The following RBFOX2 variants were observed in gnomAD, a reference collection of about 807,000 sequenced individuals.
The protein encoded by RBFOX2 is RNA binding fox-1 homolog 2.
Under a neutral mutation model 49.1 loss-of-function variants are expected in RBFOX2, and 10 were observed. The ratio of observed to expected loss-of-function variants is 0.20; its 90% CI spans 0.13 to 0.35. The LOEUF is 0.35. Among genes scored for constraint, RBFOX2 ranks in the 10% least tolerant of loss-of-function variants. The pLI, the probability that RBFOX2 is intolerant of heterozygous loss-of-function variation, is 1.00. For missense variants in RBFOX2, 323 were observed against 486.9 expected, an observed-to-expected ratio of 0.66 and a Z score of 3.17; for synonymous variants, 183 against 187.4, an observed-to-expected ratio of 0.98 and a Z score of 0.19.
chr22:35,804,745 A>C (rs1464900374), intron 2 of RBFOX2, among the ~76,000 whole-genome samples: 1 of 152,190 alleles, frequency 6.6e-6, no homozygotes, highest in African/African-American at 2.4e-5. Flanking sequence ...AGGCCTAAAA[A>C]AAAATACTAA....
At chr22:36,027,610 G>A (rs2059494291) in intron 1 of RBFOX2, among the ~76,000 whole-genome samples, 1 of 152,152 alleles carries the variant, frequency 6.6e-6, no homozygotes, top group Non-Finnish European at 1.5e-5. Flanking sequence ...CATGTCTAGT[G>A]TCTCCCTTCA....
intron 4 of RBFOX2, among the ~76,000 whole-genome samples, chr22:35,773,703 T>A (rs771167737): frequency 6.6e-6 from 1 of 152,082 alleles, no homozygotes; most frequent in Non-Finnish European, 1.5e-5. Context: ...TTAATACATA[T>A]CCATTCAATA....
intron 11 of RBFOX2, among the ~76,000 whole-genome samples, chr22:35,745,074 A>G (rs369651100): frequency 3.3e-5 from 5 of 152,164 alleles, no homozygotes; most frequent in East Asian, 3.8e-4. Context: ...CCTTCCACAA[A>G]TCTTCATCAG....
At chr22:35,845,210 A>G (rs2041026776), upstream of RBFOX2, among the ~76,000 whole-genome samples, 1 of 152,156 alleles carries the variant, frequency 6.6e-6, no homozygotes, top group Non-Finnish European at 1.5e-5. Context: ...TGTAAATAAC[A>G]ATTTACACCT....
intron 1 of RBFOX2, among the ~76,000 whole-genome samples, chr22:35,827,998 T>C (rs918624667): frequency 8.6e-5 from 13 of 151,816 alleles, no homozygotes; most frequent in Non-Finnish European, 1.6e-4. Context: ...CCATCTCTAC[T>C]AAAAATACAA....
At chr22:35,844,560 T>C (rs2040924716), upstream of RBFOX2, among the ~76,000 whole-genome samples, 1 of 152,000 alleles carries the variant, frequency 6.6e-6, no homozygotes, top group South Asian at 2.1e-4. Flanking sequence ...AGTGGCACGA[T>C]CTCAGCTCAC....
intron 1 of RBFOX2, among the ~76,000 whole-genome samples, chr22:35,889,160 G>GGAAAA (rs1335266683): frequency 2.0e-5 from 3 of 151,864 alleles, no homozygotes; most frequent in African/African-American, 4.8e-5. Context: ...ATCTCAAAAA[G>GGAAAA]GAAAAGAAAA....
At chr22:35,753,681 C>T (rs149455955) in intron 9 of RBFOX2, among the ~76,000 whole-genome samples, 133 of 147,136 alleles carry the variant, frequency 9.0e-4, no homozygotes, top group African/African-American at 3.1e-3. Flanking sequence ...AATCATCTGT[C>T]TCAATAAAAT....
chr22:35,905,488 T>C (rs1013330767), intron 1 of RBFOX2, among the ~76,000 whole-genome samples: 6 of 152,172 alleles, frequency 3.9e-5, no homozygotes, highest in African/African-American at 1.4e-4. Context: ...ACAACACAAT[T>C]TAGAAGGATT....
intron 1 of RBFOX2, among the ~76,000 whole-genome samples, chr22:35,906,798 G>A (rs1364172488): frequency 6.6e-6 from 1 of 152,066 alleles, no homozygotes; most frequent in East Asian, 1.9e-4. Context: ...CTGGCCAACA[G>A]AGCAAGACTC....
chr22:36,017,134 A>G (rs1471145206), intron 1 of RBFOX2, among the ~76,000 whole-genome samples: 3 of 152,222 alleles, frequency 2.0e-5, no homozygotes, highest in African/African-American at 7.2e-5. Flanking sequence ...TTAAAGGAAC[A>G]CTATCAGACT....
intron 1 of RBFOX2, among the ~76,000 whole-genome samples, chr22:35,960,774 A>G (rs1289152897): frequency 1.3e-5 from 2 of 152,166 alleles, no homozygotes; most frequent in African/African-American, 4.8e-5. Context: ...TCAAAAACCT[A>G]GGTAGGTATT....
At chr22:35,952,799 A>T (rs1470911649) in intron 1 of RBFOX2, among the ~76,000 whole-genome samples, 1 of 152,194 alleles carries the variant, frequency 6.6e-6, no homozygotes, top group Non-Finnish European at 1.5e-5. Flanking sequence ...AAAAAGTTAA[A>T]TATAGAGCTA....
chr22:36,000,443 AAT>A (rs2150151080), intron 1 of RBFOX2: 1 of 152,358 alleles, frequency 6.6e-6, no homozygotes, highest in Non-Finnish European at 1.5e-5. Flanking sequence ...CTTGGCTTTA[AAT>A]ACTACATATG....
intron 1 of RBFOX2, among the ~76,000 whole-genome samples, chr22:35,831,705 A>C (rs919340247): frequency 1.3e-5 from 2 of 152,206 alleles, no homozygotes; most frequent in Admixed American, 1.3e-4. Context: ...GCTCTCAGTT[A>C]AGAGTCTTTT....
chr22:36,003,436 C>T (rs565496083), intron 1 of RBFOX2, among the ~76,000 whole-genome samples: 2 of 152,146 alleles, frequency 1.3e-5, no homozygotes, highest in African/African-American at 4.8e-5. Flanking sequence ...AACTTCTTAG[C>T]GTGGCATAAA....
chr22:35,948,266 T>C (rs937441208), intron 1 of RBFOX2, among the ~76,000 whole-genome samples: 20 of 152,328 alleles, frequency 1.3e-4, no homozygotes, highest in African/African-American at 4.8e-4. Context: ...GATAGTCCAC[T>C]CTGCTGTCAT....
At chr22:35,959,490 C>A (rs555246311) in intron 1 of RBFOX2, among the ~76,000 whole-genome samples, 1 of 152,320 alleles carries the variant, frequency 6.6e-6, no homozygotes, top group African/African-American at 2.4e-5. Context: ...GCGGTTATCA[C>A]CCAATTATTC....
Position 35,810,018 on chromosome 22 carries a change from CAA to C in RBFOX2, c.28-16_28-15del, listed in dbSNP as rs1569212523. The C allele has an allele frequency of 6.2e-7, 1 of 1,610,882 alleles. No homozygotes were observed. Among genetic ancestry groups the C allele is most frequent in the Non-Finnish European group, 8.5e-7 (1 of 1,178,516 alleles). The stretch of plus-strand genomic sequence containing the variant: ...CTCCTGGTTACCCTAAAACAAACAA[CAA>C]GAGAAAGAAAAAGTGACTTTGAATC... On this transcript the variant is annotated splice_polypyrimidine_tract_variant and intron_variant, in intron 1 of 11. Transcript: ENST00000405409.
Sources: gnomAD v4.1 joint callset for allele counts (sites outside exome capture counted in the v4.1 genomes callset) on GRCh38, gnomAD v4.1.1 for gene constraint, MANE v1.5 for transcripts, NCBI Gene and HGNC (gene_info 2026-07-23, HGNC 2026-07-21) for gene names.